NAA16: variants seen among roughly 807,000 people sequenced by gnomAD.
NAA16 encodes NARG1-like protein.
A neutral mutation model predicts 110.3 loss-of-function variants in NAA16; 97 were observed. The ratio of observed to expected loss-of-function variants is 0.88; its 90% confidence interval spans 0.75 to 1.04. NAA16 has a LOEUF of 1.04. Among genes scored for constraint, NAA16 ranks in the 50% least tolerant of loss-of-function variants. The pLI, the probability that NAA16 is intolerant of heterozygous loss-of-function variation, is 0.00. For synonymous variants in NAA16, 372 were observed against 330.6 expected, an observed-to-expected ratio of 1.13 and a Z score of -1.36; for missense variants, 1,017 against 1,005.1, an observed-to-expected ratio of 1.01 and a Z score of -0.16.
chr13:41,363,012 T>C, intron 13 of NAA16: 1 of 567,384 alleles, frequency 1.8e-6, no homozygotes, highest in Middle Eastern at 8.3e-4. Flanking sequence ...CCAAGCATTT[T>C]TAGAAATAAC....
intron 3 of NAA16, among the ~76,000 whole-genome samples, chr13:41,319,808 T>G (rs2139375848): frequency 6.6e-6 from 1 of 152,026 alleles, no homozygotes; most frequent in East Asian, 1.9e-4. Context: ...TGAGCCACCA[T>G]GCCTGGCCAA....
chr13:41,345,240 G>A (rs1169116289), intron 9 of NAA16, among the ~76,000 whole-genome samples: 1 of 152,158 alleles, frequency 6.6e-6, no homozygotes, highest in Non-Finnish European at 1.5e-5. Context: ...GTAACTCTAT[G>A]TTTAAACTTT....
At chr13:41,374,419 A>G (rs1339839263) in intron 18 of NAA16, 1 of 183,950 alleles carries the variant, frequency 5.4e-6, no homozygotes, top group African/African-American at 2.4e-5. Flanking sequence ...TACATTCTCA[A>G]TTTTATTTCT....
chr13:41,372,507 T>G (rs1188625829), intron 16 of NAA16, 196 bp downstream of exon 16: 2 of 985,272 alleles, frequency 2.0e-6, no homozygotes, highest in African/African-American at 3.5e-5. Flanking sequence ...AAGAATAGTT[T>G]GAACAACCAT....
intron 18 of NAA16, chr13:41,373,989 A>G (rs9566757): frequency 0.087 from 61,932 of 708,092 alleles, 3,278 homozygotes; most frequent in East Asian, 0.22. Flanking sequence ...TGTTTATTCA[A>G]AGGGTTTGTG....
At chr13:41,373,026 A>G (rs779280291) in intron 17 of NAA16, 196 bp downstream of exon 17, 39 of 780,650 alleles carry the variant, frequency 5.0e-5, no homozygotes, top group South Asian at 1.8e-4. Context: ...AGAAGCAAAT[A>G]TAAGTTGTCT....
intron 9 of NAA16, among the ~76,000 whole-genome samples, chr13:41,354,383 A>G (rs181713740): frequency 1.3e-5 from 2 of 152,362 alleles, no homozygotes; most frequent in East Asian, 1.9e-4. Context: ...GTAGCCATAT[A>G]TGCAAAAATC....
At chr13:41,355,121 T>C (rs2139483973) in intron 9 of NAA16, 23 bp from the exon 10 acceptor site, 1 of 1,447,240 alleles carries the variant, frequency 6.9e-7, no homozygotes. Flanking sequence ...TTTTTAAATT[T>C]TAAAAATATG....
chr13:41,356,322 C>G (rs193262855), intron 10 of NAA16, among the ~76,000 whole-genome samples: 1 of 152,198 alleles, frequency 6.6e-6, no homozygotes, highest in Non-Finnish European at 1.5e-5. Flanking sequence ...CTGCCACACC[C>G]TCTATGAGTT....
intron 13 of NAA16, chr13:41,362,957 A>ATT (rs1256245078): frequency 1.9e-6 from 2 of 1,063,828 alleles, no homozygotes; most frequent in Non-Finnish European, 2.3e-6. Context: ...GGAAGGCTAA[A>ATT]TTTTAGGGGG....
chr13:41,355,209 C>T lies in NAA16; in HGVS notation c.1080C>T (p.Ser360=). 6.4e-7 allele frequency: 1 copy of T among 1,571,314 alleles called. No individual in the cohort carries two copies. The highest frequency in any genetic ancestry group is 8.7e-7 in the Non-Finnish European group (1 of 1,152,980). ...CTCTTAAAACGTGTGACTTTTTTAG[C>T]CCATATGGTAAGTTTAAATTAGATT... The part of the protein sequence containing the change: ...EASLKTCDFF[S]PYENGEKEPP... The change falls in exon 10 of 20, where the codon AGC becomes AGT. Residue 360 remains serine, a synonymous_variant. Coordinates refer to ENST00000379406, the MANE Select transcript of NAA16 (RefSeq NM_024561.5).
At chr13:41,322,475 T>C (rs1328267643) in intron 4 of NAA16, among the ~76,000 whole-genome samples, 1 of 151,984 alleles carries the variant, frequency 6.6e-6, no homozygotes, top group Non-Finnish European at 1.5e-5. Context: ...AGAGGATAGG[T>C]TGTGGGATGG....
At position 41,372,118 on chromosome 13, in the gene NAA16, T is replaced by C; in HGVS notation, c.1948-85T>C. The C allele has an allele frequency of 5.4e-6, 6 of 1,107,864 alleles. No homozygotes were observed. In the South Asian group the frequency reaches 9.6e-5, roughly 18 times the overall value. 68.6% of individuals were successfully genotyped at this position (1,107,864 alleles called of 1,614,324 possible). A position where few individuals can be genotyped will look rare whatever the true frequency, so the allele number is the denominator to read the frequency against. ...ATAAAGAAAGCTGTCTAAATTACTTTAGACATATGTTAATATAAAATTTTA... is the reference window on the plus strand; with the variant it reads ...ATAAAGAAAGCTGTCTAAATTACTTCAGACATATGTTAATATAAAATTTTA... On this transcript the variant is annotated intron_variant, in intron 15 of 19. Coordinates refer to ENST00000379406, the MANE Select transcript of NAA16 (RefSeq NM_024561.5).
intron 6 of NAA16, among the ~76,000 whole-genome samples, chr13:41,327,114 T>C (rs557861865): frequency 6.6e-5 from 10 of 152,304 alleles, no homozygotes; most frequent in South Asian, 2.1e-4. Context: ...ATGTTTTTTT[T>C]CCCATACCTT....
chr13:41,355,425 TTTTGTTTG>T (rs548858262), intron 10 of NAA16, among the ~76,000 whole-genome samples: 5 of 152,166 alleles, frequency 3.3e-5, no homozygotes, highest in Non-Finnish European at 7.3e-5. Flanking sequence ...TGTGCGGTTT[TTTTGTTTG>T]TTTGTTTGTT....
rs759526521 is a variant in NAA16 at position 41,311,573 on chromosome 13, A to C, written c.45A>C (p.Lys15Asn). 1 of 1,607,938 alleles carries C rather than the reference A, an allele frequency of 6.2e-7. No individual in the cohort carries two copies. The highest frequency in any genetic ancestry group is 1.3e-5 in the African/African-American group (1 of 74,792). The change falls in exon 1 of 20, where the codon AAA (lysine) becomes AAC (asparagine). Residue 15 changes from lysine to asparagine, a missense_variant. Physicochemically the swap from Lys to Asn is moderately conservative, Grantham distance 94. Transcript: ENST00000379406. ...LLPPKESNLF[K>N]RILKCYEQKQ... ...CGCCCAAGGAGAGCAACCTCTTCAA[A>C]CGCATCTTGGTGAGTGGCCGTAGGC...
intron 13 of NAA16, 166 bp downstream of exon 13, chr13:41,362,325 T>G (rs948675899): frequency 1.6e-6 from 1 of 628,752 alleles, no homozygotes; most frequent in Middle Eastern, 4.2e-4. Context: ...AATGGATTGC[T>G]TTACTGATCC....
intron 18 of NAA16, 58 bp from the exon 19 acceptor site, chr13:41,374,684 A>T: frequency 8.8e-7 from 1 of 1,132,984 alleles, no homozygotes; most frequent in South Asian, 1.3e-5. Context: ...GCCAGTTGAT[A>T]TCACATAAAA....
chr13:41,327,556 A>G (rs1377280229), intron 6 of NAA16, among the ~76,000 whole-genome samples: 1 of 152,044 alleles, frequency 6.6e-6, no homozygotes, highest in Non-Finnish European at 1.5e-5. Flanking sequence ...TAAATATGGT[A>G]CAGTGAAATT....
Sources: gnomAD v4.1 joint callset for allele counts (sites outside exome capture counted in the v4.1 genomes callset) on GRCh38, gnomAD v4.1.1 for gene constraint, MANE v1.5 for transcripts, NCBI Gene and HGNC (gene_info 2026-07-23, HGNC 2026-07-21) for gene names.